PHF24: variants seen among roughly 807,000 people sequenced by gnomAD.
PHF24 encodes Galpha inhibitory interacting protein.
A neutral mutation model predicts 42.6 loss-of-function variants in PHF24; 25 were observed. The ratio of observed to expected loss-of-function variants is 0.59; its 90% CI spans 0.43 to 0.82. PHF24 has a LOEUF of 0.82. Among genes scored for constraint, PHF24 ranks in the 40% least tolerant of loss-of-function variants. PHF24 has a pLI of 0.00. For synonymous variants in PHF24, 185 were observed against 204.8 expected, an observed-to-expected ratio of 0.90 and a Z score of 0.83; for missense variants, 470 against 538.1, an observed-to-expected ratio of 0.87 and a Z score of 1.25.
chr9:34,887,619 C>T, the PHF24 span, among the ~76,000 whole-genome samples: 13 of 152,208 alleles, frequency 8.5e-5, no homozygotes, highest in Non-Finnish European at 1.8e-4. Flanking sequence ...GCTTATCACC[C>T]TCAAGTCCTT....
the PHF24 span, among the ~76,000 whole-genome samples, chr9:34,824,964 G>C: frequency 6.6e-6 from 1 of 152,296 alleles, no homozygotes; most frequent in East Asian, 1.9e-4. Context: ...ATGGTTTAGA[G>C]GTTTCTTTGG....
the PHF24 span, among the ~76,000 whole-genome samples, chr9:34,875,938 ACACACACACACACTCTCTCTCTCTCTCT>A: frequency 1.1e-5 from 1 of 88,428 alleles, no homozygotes; most frequent in Non-Finnish European, 2.3e-5. Flanking sequence ...ACACACACAC[ACACACACACACACTCTCTCTCTCTCTCT>A]CTCTCTCTCT....
chr9:34,685,268 C>T, the PHF24 span, among the ~76,000 whole-genome samples: 27 of 152,278 alleles, frequency 1.8e-4, no homozygotes, highest in Non-Finnish European at 2.8e-4. Context: ...CAGGTCCTGG[C>T]ATCTGATACT....
chr9:34,714,550 T>C, the PHF24 span, among the ~76,000 whole-genome samples: 1 of 152,178 alleles, frequency 6.6e-6, no homozygotes, highest in Non-Finnish European at 1.5e-5. Context: ...AGCCAACAAA[T>C]GTGTATTTTT....
At chr9:34,846,032 C>T in the PHF24 span, among the ~76,000 whole-genome samples, 1 of 152,062 alleles carries the variant, frequency 6.6e-6, no homozygotes, top group Non-Finnish European at 1.5e-5. Flanking sequence ...CAAGTCTTTG[C>T]TATTGTGAAT....
chr9:34,756,673 C>T, the PHF24 span, among the ~76,000 whole-genome samples: 1 of 152,004 alleles, frequency 6.6e-6, no homozygotes, highest in Non-Finnish European at 1.5e-5. Flanking sequence ...TCTTTTTGCT[C>T]AGGATTGATT....
At chr9:34,954,977 A>C (rs1359395536), upstream of PHF24, among the ~76,000 whole-genome samples, 2 of 152,254 alleles carry the variant, frequency 1.3e-5, no homozygotes, top group Non-Finnish European at 2.9e-5. Context: ...ATTACATATT[A>C]GTTGAGCATA....
At chr9:34,852,158 T>C in the PHF24 span, among the ~76,000 whole-genome samples, 2 of 152,234 alleles carry the variant, frequency 1.3e-5, no homozygotes, top group African/African-American at 4.8e-5. Flanking sequence ...AGTAAATGTA[T>C]TTTCTCTTCC....
At chr9:34,835,140 A>G in the PHF24 span, 1 of 1,545,590 alleles carries the variant, frequency 6.5e-7, no homozygotes, top group Non-Finnish European at 8.8e-7. Flanking sequence ...GTTTGCTGAC[A>G]GTGGTGTCTT....
At chr9:34,775,854 C>T in the PHF24 span, among the ~76,000 whole-genome samples, 1 of 152,248 alleles carries the variant, frequency 6.6e-6, no homozygotes, top group African/African-American at 2.4e-5. Flanking sequence ...AACCTAAATG[C>T]CCAGCACTGA....
At chr9:34,862,356 C>A in the PHF24 span, among the ~76,000 whole-genome samples, 1 of 152,094 alleles carries the variant, frequency 6.6e-6, no homozygotes, top group Non-Finnish European at 1.5e-5. Flanking sequence ...CCCTCCACAA[C>A]CCCAGGCAGC....
At chr9:34,836,068 T>C in the PHF24 span, 1 of 569,146 alleles carries the variant, frequency 1.8e-6, no homozygotes, top group Admixed American at 2.2e-5. Flanking sequence ...AAGAGAAACA[T>C]GGCAAACATT....
At chr9:34,798,986 G>T in the PHF24 span, among the ~76,000 whole-genome samples, 2 of 151,952 alleles carry the variant, frequency 1.3e-5, no homozygotes, top group African/African-American at 4.8e-5. Context: ...ATGTTTGTTG[G>T]CCACCTGTAT....
At chr9:34,734,865 A>G in the PHF24 span, among the ~76,000 whole-genome samples, 4 of 152,240 alleles carry the variant, frequency 2.6e-5, no homozygotes, top group African/African-American at 9.6e-5. Context: ...CTGAAATACC[A>G]TCAAGAGCAT....
At chr9:34,699,417 G>C in the PHF24 span, among the ~76,000 whole-genome samples, 1 of 152,240 alleles carries the variant, frequency 6.6e-6, no homozygotes, top group Admixed American at 6.5e-5. Context: ...ACTTTGCCTA[G>C]AAGAAGAGAT....
the PHF24 span, among the ~76,000 whole-genome samples, chr9:34,731,328 T>G: frequency 2.0e-5 from 3 of 152,208 alleles, no homozygotes; most frequent in African/African-American, 7.2e-5. Context: ...AATAAATTAT[T>G]ATTGACTGTA....
the PHF24 span, among the ~76,000 whole-genome samples, chr9:34,717,952 A>G: frequency 2.6e-5 from 4 of 152,088 alleles, no homozygotes; most frequent in Non-Finnish European, 4.4e-5. Context: ...CTTTTTCTGT[A>G]TGTACCTGTG....
chr9:34,846,170 G>A, the PHF24 span, among the ~76,000 whole-genome samples: 9 of 152,236 alleles, frequency 5.9e-5, no homozygotes, highest in South Asian at 2.1e-4. Flanking sequence ...CTGAGGAATC[G>A]CCACACTGAC....
At chr9:34,833,452 A>G in the PHF24 span, 3 of 1,550,308 alleles carry the variant, frequency 1.9e-6, no homozygotes, top group Non-Finnish European at 2.6e-6. Context: ...GGGCAGGAAG[A>G]GTGTCTGGTG....
Sources: gnomAD v4.1 joint callset for allele counts (sites outside exome capture counted in the v4.1 genomes callset) on GRCh38, gnomAD v4.1.1 for gene constraint, MANE v1.5 for transcripts, NCBI Gene and HGNC (gene_info 2026-07-23, HGNC 2026-07-21) for gene names.